The following AFF2 variants were observed in gnomAD, a reference collection of about 807,000 sequenced individuals.
AFF2 encodes the protein ALF transcription elongation factor 2.
A neutral mutation model predicts 76.9 loss-of-function variants in AFF2; 14 were observed. The ratio of observed to expected loss-of-function variants is 0.18; its 90% CI spans 0.12 to 0.28. The LOEUF is 0.28. AFF2 is among the 10% of genes least tolerant of loss of function. AFF2 has a pLI of 1.00. For synonymous variants in AFF2, 398 were observed against 366.7 expected (o/e 1.09, Z -0.98); for missense variants, 868 against 1,001.1 (o/e 0.87, Z 1.79).
At chrX:148,585,179 G>T in intron 1 of AFF2, among the ~76,000 whole-genome samples, 1 of 111,352 alleles carries the variant, frequency 9.0e-6, no homozygotes. Flanking sequence ...GAGGGCACAT[G>T]GGTAGGTGAA....
chrX:148,556,731 C>T (rs1018906612), intron 1 of AFF2, among the ~76,000 whole-genome samples: 3 of 112,077 alleles, frequency 2.7e-5, no homozygotes, highest in Non-Finnish European at 3.8e-5. Flanking sequence ...ACCTGGTTGA[C>T]ATTTAACTGC....
intron 9 of AFF2, among the ~76,000 whole-genome samples, chrX:148,913,330 T>C (rs1236988466): frequency 1.8e-5 from 2 of 112,636 alleles, no homozygotes; most frequent in Non-Finnish European, 3.7e-5. Flanking sequence ...TATGTAACTT[T>C]ATTTAACAAT....
intron 1 of AFF2, among the ~76,000 whole-genome samples, chrX:148,616,987 G>A (rs1204493956): frequency 1.8e-5 from 2 of 111,720 alleles, no homozygotes; most frequent in Non-Finnish European, 3.8e-5. Flanking sequence ...TGGACATTTA[G>A]GTTAGTTCCA....
chrX:148,891,707 A>G (rs1214041503), intron 8 of AFF2, among the ~76,000 whole-genome samples: 5 of 111,202 alleles, frequency 4.5e-5, no homozygotes, highest in African/African-American at 1.6e-4. Flanking sequence ...AGGTAGCGGG[A>G]TGGCTTGTGA....
At chrX:148,698,581 G>GA (rs1433280364) in intron 3 of AFF2, among the ~76,000 whole-genome samples, 1 of 112,193 alleles carries the variant, frequency 8.9e-6, no homozygotes, top group Admixed American at 9.5e-5. Flanking sequence ...TTTATACACA[G>GA]AATACTTAGC....
intron 1 of AFF2, among the ~76,000 whole-genome samples, chrX:148,599,281 A>G (rs2053604342): frequency 8.9e-6 from 1 of 112,673 alleles, no homozygotes; most frequent in East Asian, 2.8e-4. Context: ...TCAGTTAACA[A>G]TATGATGAAT....
intron 1 of AFF2, among the ~76,000 whole-genome samples, chrX:148,598,501 C>G (rs1319935094): frequency 1.8e-5 from 2 of 112,394 alleles, no homozygotes; most frequent in African/African-American, 6.5e-5. Context: ...TAGAGTGCCA[C>G]CATCCCAAGG....
At chrX:148,721,463 G>A (rs1320228011) in intron 3 of AFF2, among the ~76,000 whole-genome samples, 3 of 111,613 alleles carry the variant, frequency 2.7e-5, no homozygotes, top group South Asian at 3.8e-4. Context: ...ATCATTGTGC[G>A]GATAACATGA....
At chrX:148,681,179 T>C (rs1240714453) in intron 3 of AFF2, among the ~76,000 whole-genome samples, 1 of 111,664 alleles carries the variant, frequency 9.0e-6, no homozygotes, top group Admixed American at 9.5e-5. Flanking sequence ...AAAACAAGGA[T>C]AATAATACTT....
At chrX:148,517,898 C>T (rs1312098153) in intron 1 of AFF2, among the ~76,000 whole-genome samples, 1 of 108,248 alleles carries the variant, frequency 9.2e-6, no homozygotes, top group Non-Finnish European at 1.9e-5. Flanking sequence ...TGGCGGGCGC[C>T]TGTAGTCCCA....
rs144346315 is a variant in AFF2, at chrX:148,814,408, C to G, written c.1086+4488C>G. On this transcript the variant is annotated intron_variant, in intron 4 of 20. Coordinates refer to ENST00000370460, the MANE Select transcript of AFF2 (RefSeq NM_002025.4). ...AAATCAAGAAACTATGAAATCCTTT[C>G]TGGAATCAAAAATGCAGATAGAGCA... 2.4e-3 allele frequency among the ~76,000 whole-genome samples: 267 copies of G among 112,211 alleles called. 2 individuals carry two copies. Among genetic ancestry groups the G allele is most frequent in the African/African-American group, 7.9e-3 (246 of 30,954 alleles).
chrX:148,645,846 G>A (rs782508231), intron 1 of AFF2, among the ~76,000 whole-genome samples: 1 of 112,235 alleles, frequency 8.9e-6, no homozygotes, highest in African/African-American at 3.2e-5. Context: ...GGGAGACTTA[G>A]AGAATCCTGG....
rs782493140 is a variant in AFF2, at chrX:148,661,946, C to A, written c.219C>A (p.Asn73Lys). 9 of 1,206,925 alleles carry A rather than the reference C, an allele frequency of 7.5e-6. No homozygotes were observed. Among genetic ancestry groups the A allele is most frequent in the Non-Finnish European group, 1.0e-5 (9 of 892,040 alleles). The change falls in exon 3 of 21, where the codon AAC becomes AAA. Residue 73 changes from asparagine to lysine, a missense_variant. Coordinates refer to ENST00000370460, the MANE Select transcript of AFF2 (RefSeq NM_002025.4). Reference protein sequence around the residue: ...KGDALANRVQNTLGNYDEMKN... With the variant: ...KGDALANRVQKTLGNYDEMKN... ...ATGCACTTGCCAACCGAGTCCAGAA[C>A]ACGCTTGGAAACTATGATGAAATGA...
rs1388614383 is a variant in AFF2 at position 148,500,765 on chromosome X, G to A, written c.-333G>A. 1.0e-5 allele frequency: 1 copy of A among 96,900 alleles called. No individual in the cohort carries two copies. The highest frequency in any genetic ancestry group is 2.1e-5 in the Non-Finnish European group (1 of 47,534). The allele number at this position is 96,900 out of a possible 1,213,427, so 8.0% of individuals were successfully genotyped here. On this transcript the variant is annotated 5_prime_UTR_variant, in exon 1 of 21. Transcript: ENST00000370460. ...CGCTGCCGCCGCCGGCCCGCAGCCA[G>A]CCAGGCGGGCGGCCCAGCCCGCCTG...
chrX:148,563,317 G>T (rs1423701425), intron 1 of AFF2, among the ~76,000 whole-genome samples: 1 of 112,010 alleles, frequency 8.9e-6, no homozygotes, highest in Admixed American at 9.5e-5. Context: ...AGGGGGATCT[G>T]ATTTACATTT....
At chrX:148,586,131 G>A (rs1049191944) in intron 1 of AFF2, among the ~76,000 whole-genome samples, 4 of 111,215 alleles carry the variant, frequency 3.6e-5, no homozygotes, top group Non-Finnish European at 7.5e-5. Flanking sequence ...GGAAAATTGA[G>A]GCACAGAGAT....
intron 8 of AFF2, among the ~76,000 whole-genome samples, chrX:148,895,025 G>T (rs782053441): frequency 2.7e-5 from 3 of 111,454 alleles, no homozygotes; most frequent in Admixed American, 9.5e-5. Context: ...GGAGTCTGCA[G>T]TCCGGATTCA....
chrX:148,956,056 A>C lies in AFF2; in HGVS notation c.2011A>C (p.Asn671His). 8.3e-7 allele frequency: 1 copy of C among 1,211,529 alleles called. No homozygotes were observed. The highest frequency in any genetic ancestry group is 1.1e-6 in the Non-Finnish European group (1 of 895,448). ...GCTTCATGACCCACCAAGAGGCCGC[A>C]ACAAAGCCACTGCCCACAAACCAGC... ...VELHDPPRGR[N>H]KATAHKPAPR... Residue 671 changes from asparagine (N) to histidine (H), a missense_variant, in exon 11 of 21, where the codon AAC becomes CAC. By Grantham distance (68) the Asn-to-His change is moderately conservative (BLOSUM62 1). Around this residue, in one of 6 missense-constraint regions of AFF2, gnomAD observed 532 missense variants for 564.2 expected, o/e 0.94. Transcript: ENST00000370460.
Position 148,581,033 on chromosome X carries a change from A to G in AFF2, c.48-70966A>G, listed in dbSNP as rs868973283. Reference sequence around the variant, plus strand: ...CCTACACACAAACATATGTGTATATATACACACATATATACACATATGTGT... The same window carrying G: ...CCTACACACAAACATATGTGTATATGTACACACATATATACACATATGTGT... On this transcript the variant is annotated intron_variant, in intron 1 of 20. Transcript: ENST00000370460. 7.9e-5 allele frequency among the ~76,000 whole-genome samples: 7 copies of G among 88,655 alleles called. 1 individual carries two copies. Among genetic ancestry groups the G allele is most frequent in the African/African-American group, 1.2e-4 (3 of 24,133 alleles). 77.0% of individuals were successfully genotyped at this position (88,655 alleles called of 115,157 possible).
Sources: gnomAD v4.1 joint callset for allele counts (sites outside exome capture counted in the v4.1 genomes callset) on GRCh38, gnomAD v4.1.1 for gene constraint, gnomAD v4.1.1 regional missense constraint, MANE v1.5 for transcripts, NCBI Gene and HGNC (gene_info 2026-07-23, HGNC 2026-07-21) for gene names.